The following KDM4C variants were observed in gnomAD, a reference collection of about 807,000 sequenced individuals.
KDM4C encodes lysine-specific demethylase 4C.
KDM4C carries 81 observed loss-of-function variants against 129.3 expected under a neutral mutation model. The observed-to-expected ratio is 0.63, with a 90% CI of 0.52 to 0.75. The LOEUF (loss-of-function observed/expected upper bound fraction) is 0.75, where lower values mean the gene tolerates loss of function less well. KDM4C is among the 30% of genes least tolerant of loss of function. The pLI is 0.00. For synonymous variants in KDM4C, 573 were observed against 456.1 expected (o/e 1.26, Z -3.26); for missense variants, 1,457 against 1,304.0 (o/e 1.12, Z -1.81).
chr9:6,866,690 T>A (rs1842032579), intron 5 of KDM4C, among the ~76,000 whole-genome samples: 1 of 152,140 alleles, frequency 6.6e-6, no homozygotes, highest in Non-Finnish European at 1.5e-5. Context: ...TTGTCCACCC[T>A]GATCTCTATT....
chr9:6,971,033 A>C (rs1478369249), intron 8 of KDM4C, among the ~76,000 whole-genome samples: 1 of 152,196 alleles, frequency 6.6e-6, no homozygotes, highest in Admixed American at 6.5e-5. Flanking sequence ...TGGTGATGAC[A>C]GCGCATTCCT....
intron 19 of KDM4C, among the ~76,000 whole-genome samples, chr9:7,154,823 T>A (rs899836460): frequency 2.6e-5 from 4 of 152,176 alleles, no homozygotes; most frequent in African/African-American, 9.7e-5. Context: ...CCAGTGTCCT[T>A]GTGAACAAGG....
At chr9:7,073,672 T>G (rs193116288) in intron 17 of KDM4C, among the ~76,000 whole-genome samples, 1 of 152,252 alleles carries the variant, frequency 6.6e-6, no homozygotes, top group African/African-American at 2.4e-5. Flanking sequence ...AAACTATATC[T>G]GCATTATTTC....
chr9:7,075,270 T>C (rs1473829134), intron 17 of KDM4C, among the ~76,000 whole-genome samples: 1 of 152,128 alleles, frequency 6.6e-6, no homozygotes, highest in Non-Finnish European at 1.5e-5. Context: ...TTGTTTTTGG[T>C]TTTGTGTTTT....
chr9:7,133,250 A>C (rs1272421329), intron 19 of KDM4C, among the ~76,000 whole-genome samples: 1 of 152,086 alleles, frequency 6.6e-6, no homozygotes, highest in Non-Finnish European at 1.5e-5. Context: ...TCTAGTTTAT[A>C]CTAACCTTTT....
chr9:7,011,370 T>C (rs1371831347), intron 12 of KDM4C, among the ~76,000 whole-genome samples: 2 of 152,196 alleles, frequency 1.3e-5, no homozygotes, highest in African/African-American at 4.8e-5. Flanking sequence ...TGTTTTAGTA[T>C]TGGAGCTTTT....
chr9:6,928,700 A>G (rs533027762), intron 8 of KDM4C, among the ~76,000 whole-genome samples: 20 of 151,110 alleles, frequency 1.3e-4, no homozygotes, highest in African/African-American at 4.9e-4. Context: ...ATCGCCTATG[A>G]TTAGTCACTT....
intron 4 of KDM4C, among the ~76,000 whole-genome samples, chr9:6,843,137 C>T (rs1199002982): frequency 1.3e-5 from 2 of 152,104 alleles, no homozygotes; most frequent in East Asian, 3.9e-4. Flanking sequence ...CCATATTGGC[C>T]AGGCTGGCCT....
At chr9:6,799,034 TC>T (rs1165696133) in intron 2 of KDM4C, among the ~76,000 whole-genome samples, 1 of 147,156 alleles carries the variant, frequency 6.8e-6, no homozygotes, top group African/African-American at 2.6e-5. Flanking sequence ...GCTCCTCACT[TC>T]CTAGGTGGGA....
At chr9:6,962,496 C>T (rs953537801) in intron 8 of KDM4C, among the ~76,000 whole-genome samples, 1 of 152,054 alleles carries the variant, frequency 6.6e-6, no homozygotes, top group Non-Finnish European at 1.5e-5. Context: ...CATTTTTAAA[C>T]AAAGTATGAG....
chr9:6,845,785 G>C (rs1365150665), intron 4 of KDM4C, among the ~76,000 whole-genome samples: 1 of 152,242 alleles, frequency 6.6e-6, no homozygotes, highest in Non-Finnish European at 1.5e-5. Flanking sequence ...AGTCAGGTGA[G>C]TTATGAATAT....
chr9:6,747,139 G>T (rs976286737), intron 1 of KDM4C, among the ~76,000 whole-genome samples: 2 of 151,786 alleles, frequency 1.3e-5, no homozygotes, highest in East Asian at 3.9e-4. Context: ...GCTGCCATGA[G>T]CCAAGATCAC....
At chr9:6,796,464 C>T (rs534229992) in intron 2 of KDM4C, among the ~76,000 whole-genome samples, 10 of 152,190 alleles carry the variant, frequency 6.6e-5, no homozygotes, top group Non-Finnish European at 1.2e-4. Flanking sequence ...CTTTTGTTTC[C>T]GGAAAACATG....
intron 19 of KDM4C, among the ~76,000 whole-genome samples, chr9:7,143,929 C>G (rs1180548080): frequency 6.6e-6 from 1 of 152,136 alleles, no homozygotes; most frequent in South Asian, 2.1e-4. Flanking sequence ...TACATTTAAT[C>G]TAAAAGGAAG....
intron 4 of KDM4C, among the ~76,000 whole-genome samples, chr9:6,848,448 C>G (rs1388697361): frequency 6.6e-6 from 1 of 152,122 alleles, no homozygotes; most frequent in African/African-American, 2.4e-5. Flanking sequence ...GGGCAGGTCA[C>G]TTGAGGCCAG....
intron 1 of KDM4C, among the ~76,000 whole-genome samples, chr9:6,765,526 A>C (rs1341851704): frequency 6.6e-6 from 1 of 152,218 alleles, no homozygotes; most frequent in Non-Finnish European, 1.5e-5. Flanking sequence ...TAAAGATTCT[A>C]CAAGGGCAGA....
At chr9:6,840,521 C>G (rs1046641789) in intron 4 of KDM4C, among the ~76,000 whole-genome samples, 2 of 151,790 alleles carry the variant, frequency 1.3e-5, no homozygotes, top group South Asian at 2.1e-4. Flanking sequence ...CTCAGCCTCC[C>G]GAGTAGCTGG....
intron 18 of KDM4C, chr9:7,104,163 AC>A (rs1443087151): frequency 8.8e-6 from 3 of 341,096 alleles, no homozygotes; most frequent in African/African-American, 6.2e-5. Flanking sequence ...GGATCTGTAC[AC>A]AGGGCTGCTG....
rs779583982 is a variant in KDM4C, at chr9:6,849,511, T to A, written c.440T>A (p.Val147Glu). 6.4e-7 allele frequency: 1 copy of A among 1,552,472 alleles called. No homozygotes were observed. The highest frequency in any genetic ancestry group is 1.2e-5 in the South Asian group (1 of 80,316). Reference protein sequence around the residue: ...DINGSIYDEGVDEWNIARLNT... With the variant: ...DINGSIYDEGEDEWNIARLNT... Reference sequence around the variant, plus strand: ...TTTTTTTCTCTCTCATTCCAGGGTGTGGATGAATGGAACATAGCTCGCCTC... The same window carrying A: ...TTTTTTTCTCTCTCATTCCAGGGTGAGGATGAATGGAACATAGCTCGCCTC... The change falls in exon 5 of 22, where the codon GTG (valine) becomes GAG (glutamate). Residue 147 changes from valine (V) to glutamate (E), a missense_variant. Val to Glu is a moderately radical substitution (Grantham distance 121). Transcript: ENST00000381309.
Sources: gnomAD v4.1 joint callset for allele counts (sites outside exome capture counted in the v4.1 genomes callset) on GRCh38, gnomAD v4.1.1 for gene constraint, MANE v1.5 for transcripts, NCBI Gene and HGNC (gene_info 2026-07-23, HGNC 2026-07-21) for gene names.